Variants in KIAA1217 observed in about 807,000 individuals in gnomAD.
The protein encoded by KIAA1217 is sickle tail protein homolog.
KIAA1217 carries 88 observed loss-of-function variants against 163.9 expected under a neutral mutation model. That is an observed-to-expected ratio of 0.54 (90% CI 0.45 to 0.64). KIAA1217 has a LOEUF of 0.64. Among genes scored for constraint, KIAA1217 ranks in the 30% least tolerant of loss-of-function variants. The probability of loss-of-function intolerance (pLI) is 0.00; values close to 1 mark genes in which losing one functional copy is unlikely to be tolerated. For missense variants in KIAA1217, 2,372 were observed against 2,475.0 expected (o/e 0.96, Z 0.88); for synonymous variants, 903 against 923.1 (o/e 0.98, Z 0.39).
At chr10:24,544,602 G>A (rs946570647) in intron 19 of KIAA1217, 121 bp downstream of exon 19, 1 of 1,044,142 alleles carries the variant, frequency 9.6e-7, no homozygotes, top group Non-Finnish European at 1.3e-6. Context: ...TTTTTTTTTT[G>A]TCTGTTCGCC....
In KIAA1217 at chr10:24,547,778, T is replaced by C. The variant is rs2135564165; in HGVS notation, c.*1454T>C. On this transcript the variant is annotated 3_prime_UTR_variant, in exon 21 of 21. Coordinates refer to ENST00000376454, the MANE Select transcript of KIAA1217 (RefSeq NM_019590.5). The stretch of plus-strand genomic sequence containing the variant: ...CCACCCTCAGTTCCTGGAGGGGCTC[T>C]TATTATTTTCTCTCTTTTTAAAAAA... 1 of 152,318 alleles carries C rather than the reference T, an allele frequency of 6.6e-6. No individual in the cohort carries two copies. Among genetic ancestry groups the C allele is most frequent in the African/African-American group, 2.4e-5 (1 of 41,572 alleles). 9.4% of individuals were successfully genotyped at this position (152,318 alleles called of 1,614,324 possible).
chr10:24,343,554 A>G (rs1638927513), intron 2 of KIAA1217, among the ~76,000 whole-genome samples: 1 of 152,204 alleles, frequency 6.6e-6, no homozygotes, highest in Non-Finnish European at 1.5e-5. Flanking sequence ...TAAAGTTTGC[A>G]TGTATTTTTC....
chr10:23,708,761 G>C (rs1837048615), intron 1 of KIAA1217, among the ~76,000 whole-genome samples: 1 of 152,146 alleles, frequency 6.6e-6, no homozygotes, highest in African/African-American at 2.4e-5. Context: ...CGTTTTAAAG[G>C]GGGACTAATG....
chr10:24,217,955 C>T (rs2069057996), intron 1 of KIAA1217, among the ~76,000 whole-genome samples: 2 of 152,154 alleles, frequency 1.3e-5, no homozygotes, highest in Non-Finnish European at 2.9e-5. Flanking sequence ...AGAGAGGTCA[C>T]ATCATTTGTT....
At chr10:23,819,560 T>C (rs935662090) in intron 1 of KIAA1217, among the ~76,000 whole-genome samples, 2 of 152,196 alleles carry the variant, frequency 1.3e-5, no homozygotes, top group Non-Finnish European at 2.9e-5. Context: ...GATCACCAGA[T>C]ACATTCAGCT....
rs138113239 is a variant in KIAA1217 at position 24,071,604 on chromosome 10, C to T, written c.-171+64230C>T. 2.6e-5 allele frequency among the ~76,000 whole-genome samples: 4 copies of T among 152,304 alleles called. No individual in the cohort carries two copies. In the East Asian group the frequency reaches 5.8e-4, roughly 22 times the overall value. ...GATTTGGGAAGTCACATTTCTGCTT[C>T]AGTGATCTATGTTGCCAAATGGTGA... On this transcript the variant is annotated intron_variant, in intron 2 of 18. Coordinates refer to the KIAA1217 transcript ENST00000376462.
intron 2 of KIAA1217, among the ~76,000 whole-genome samples, chr10:24,049,173 C>A (rs1173304920): frequency 6.6e-6 from 1 of 151,918 alleles, no homozygotes; most frequent in African/African-American, 2.4e-5. Flanking sequence ...ATAGAGTCAC[C>A]TCTTAAAGTT....
intron 1 of KIAA1217, among the ~76,000 whole-genome samples, chr10:23,975,983 C>T (rs1054464938): frequency 2.6e-5 from 4 of 152,162 alleles, no homozygotes; most frequent in African/African-American, 9.7e-5. Flanking sequence ...AGGGACTGCT[C>T]TTGTTAGCAC....
At chr10:23,977,323 C>A (rs1272145362) in intron 1 of KIAA1217, among the ~76,000 whole-genome samples, 2 of 152,078 alleles carry the variant, frequency 1.3e-5, no homozygotes, top group Non-Finnish European at 2.9e-5. Context: ...CTTTCATTTT[C>A]CTGCTTAGAG....
chr10:23,855,677 G>A (rs1459318781), intron 1 of KIAA1217, among the ~76,000 whole-genome samples: 1 of 152,132 alleles, frequency 6.6e-6, no homozygotes, highest in Admixed American at 6.5e-5. Context: ...GTCTTTTCAT[G>A]TAGTCCCATA....
chr10:24,122,464 T>C (rs1209787981), intron 2 of KIAA1217, among the ~76,000 whole-genome samples: 2 of 152,180 alleles, frequency 1.3e-5, no homozygotes, highest in Admixed American at 6.5e-5. Flanking sequence ...TATGTTCAAA[T>C]ATTCAACATA....
chr10:24,264,185 G>A (rs1388188062), intron 2 of KIAA1217, among the ~76,000 whole-genome samples: 1 of 152,126 alleles, frequency 6.6e-6, no homozygotes, highest in Non-Finnish European at 1.5e-5. Flanking sequence ...TCCATACAAC[G>A]AGTACAGCGG....
intron 2 of KIAA1217, among the ~76,000 whole-genome samples, chr10:24,164,908 C>T (rs1405351662): frequency 6.6e-6 from 1 of 152,136 alleles, no homozygotes; most frequent in African/African-American, 2.4e-5. Context: ...GATACTCTCC[C>T]CTGGAGACAG....
intron 2 of KIAA1217, among the ~76,000 whole-genome samples, chr10:24,161,909 C>T (rs892883761): frequency 6.6e-6 from 1 of 152,158 alleles, no homozygotes; most frequent in African/African-American, 2.4e-5. Flanking sequence ...AGAAATGATA[C>T]GAGCTAGATA....
chr10:24,246,339 T>A (rs1481978085), intron 2 of KIAA1217, among the ~76,000 whole-genome samples: 1 of 152,234 alleles, frequency 6.6e-6, no homozygotes, highest in Non-Finnish European at 1.5e-5. Context: ...CTCCCTGTTG[T>A]GAACAGGACT....
chr10:24,126,156 C>T lies in KIAA1217; in HGVS notation c.-170-93470C>T, dbSNP rs117422487. Among the ~76,000 whole-genome samples the T allele has an allele frequency of 6.4e-4, 97 of 152,096 alleles. 3 individuals are homozygous for T. In the East Asian group the frequency reaches 0.012, roughly 19 times the overall value. ...TTCTCTTTCAGAAATTTATATTAAA[C>T]GTGTTGAATTTTTTGTTTGTTTTAT... On this transcript the variant is annotated intron_variant, in intron 2 of 18. Transcript: ENST00000376462.
At chr10:24,302,244 C>G (rs1321598526) in intron 2 of KIAA1217, among the ~76,000 whole-genome samples, 1 of 152,122 alleles carries the variant, frequency 6.6e-6, no homozygotes, top group Non-Finnish European at 1.5e-5. Flanking sequence ...GGACTTGATC[C>G]CCTGTATGAC....
rs1477268226 is a variant in KIAA1217 at position 24,211,581 on chromosome 10, TATTGTATTG to T, written c.70+2319_70+2327del. On this transcript the variant is annotated intron_variant, in intron 1 of 20. Coordinates refer to ENST00000376454, the MANE Select transcript of KIAA1217 (RefSeq NM_019590.5). ...TATTGTATTGTATTGTATTGTATTG[TATTGTATTG>T]TATTTTATTTTATTTTAGAGAAGGG... Among the ~76,000 whole-genome samples, 2 of 145,906 alleles carry T rather than the reference TATTGTATTG, an allele frequency of 1.4e-5. 1 individual carries two copies. The highest frequency in any genetic ancestry group is 3.0e-5 in the Non-Finnish European group (2 of 66,624).
At chr10:24,395,298 C>T (rs2055568301) in intron 3 of KIAA1217, among the ~76,000 whole-genome samples, 2 of 152,172 alleles carry the variant, frequency 1.3e-5, no homozygotes, top group Non-Finnish European at 2.9e-5. Flanking sequence ...CACCCTTAGA[C>T]TCAACATCTG....
Sources: allele counts gnomAD v4.1 joint callset (sites outside exome capture counted in the v4.1 genomes callset), GRCh38; gene constraint gnomAD v4.1.1; transcripts MANE v1.5; gene names NCBI Gene and HGNC (gene_info 2026-07-23, HGNC 2026-07-21).